The following ZBTB16 variants were observed in gnomAD, a reference collection of about 807,000 sequenced individuals.
ZBTB16 encodes the protein zinc finger and BTB domain containing 16.
Under a neutral mutation model 56.8 loss-of-function variants are expected in ZBTB16, and 8 were observed. That is an observed-to-expected ratio of 0.14 (90% CI 0.08 to 0.25). ZBTB16 has a LOEUF of 0.25. ZBTB16 is among the 10% of genes least tolerant of loss of function. ZBTB16 has a pLI of 1.00. For synonymous variants in ZBTB16, 363 were observed against 368.5 expected, an observed-to-expected ratio of 0.98 and a Z score of 0.17; for missense variants, 625 against 903.0, an observed-to-expected ratio of 0.69 and a Z score of 3.95.
intron 3 of ZBTB16, among the ~76,000 whole-genome samples, chr11:114,186,024 G>A (rs187501318): frequency 6.6e-5 from 10 of 152,294 alleles, no homozygotes; most frequent in South Asian, 2.1e-4. Flanking sequence ...GGGAGCTTAC[G>A]GTGTGGTGAG....
intron 2 of ZBTB16, among the ~76,000 whole-genome samples, chr11:114,144,820 G>T (rs559169363): frequency 6.6e-6 from 1 of 152,352 alleles, no homozygotes; most frequent in East Asian, 1.9e-4. Flanking sequence ...GCTGGCTTCA[G>T]TTGAGCTGGG....
chr11:114,241,219 A>T (rs1423751807), intron 4 of ZBTB16, among the ~76,000 whole-genome samples: 1 of 149,920 alleles, frequency 6.7e-6, no homozygotes, highest in East Asian at 1.9e-4. Flanking sequence ...TGCTTTAGTG[A>T]GTGGAGAAGT....
chr11:114,096,929 T>C (rs947113261), intron 2 of ZBTB16, among the ~76,000 whole-genome samples: 1 of 152,236 alleles, frequency 6.6e-6, no homozygotes, highest in Non-Finnish European at 1.5e-5. Flanking sequence ...GGGAGTGTTA[T>C]GTGTATACAC....
At chr11:114,208,991 T>C (rs656269) in intron 4 of ZBTB16, among the ~76,000 whole-genome samples, 58,412 of 151,964 alleles carry the variant, frequency 0.38, 12,041 homozygotes, top group South Asian at 0.46. Flanking sequence ...AGGAAGAGAT[T>C]CCCCAAACTG....
At chr11:114,118,703 T>C (rs565044520) in intron 2 of ZBTB16, among the ~76,000 whole-genome samples, 1 of 152,302 alleles carries the variant, frequency 6.6e-6, no homozygotes, top group South Asian at 2.1e-4. Flanking sequence ...ACCAGGGCTT[T>C]CTGCTTCATA....
At chr11:114,141,295 C>A (rs757148525) in intron 2 of ZBTB16, among the ~76,000 whole-genome samples, 8 of 152,246 alleles carry the variant, frequency 5.3e-5, no homozygotes, top group Non-Finnish European at 8.8e-5. Context: ...AAAGGACCAA[C>A]TGAATCTCAC....
intron 4 of ZBTB16, chr11:114,210,077 C>A: frequency 4.5e-6 from 2 of 444,456 alleles, no homozygotes; most frequent in Non-Finnish European, 6.0e-6. Context: ...CTGAGAAGAG[C>A]AGATGAAGGA....
chr11:114,109,927 C>T (rs749908472), intron 2 of ZBTB16, among the ~76,000 whole-genome samples: 4 of 152,178 alleles, frequency 2.6e-5, no homozygotes, highest in Non-Finnish European at 5.9e-5. Context: ...GTTAGAAGAG[C>T]AGGACCGGAG....
At chr11:114,135,208 C>T (rs566643482) in intron 2 of ZBTB16, among the ~76,000 whole-genome samples, 6 of 152,290 alleles carry the variant, frequency 3.9e-5, no homozygotes, top group Non-Finnish European at 8.8e-5. Flanking sequence ...TGAGTCCCTC[C>T]GTGGGACACT....
At chr11:114,193,461 A>C (rs1008196998) in intron 4 of ZBTB16, among the ~76,000 whole-genome samples, 8 of 152,092 alleles carry the variant, frequency 5.3e-5, no homozygotes, top group Non-Finnish European at 1.0e-4. Context: ...TACCCTCAGG[A>C]TAGGGCTGGC....
intron 5 of ZBTB16, among the ~76,000 whole-genome samples, chr11:114,246,536 C>T (rs1455604751): frequency 6.6e-6 from 1 of 152,130 alleles, no homozygotes; most frequent in Admixed American, 6.5e-5. Context: ...TGATACCACA[C>T]TAATAACAGA....
At chr11:114,247,756 G>A (rs1259829358) in intron 6 of ZBTB16, among the ~76,000 whole-genome samples, 5 of 152,220 alleles carry the variant, frequency 3.3e-5, no homozygotes, top group African/African-American at 1.2e-4. Flanking sequence ...AAGGGTTAGA[G>A]TAAGAATTAG....
At chr11:114,160,675 T>C (rs1481475055) in intron 3 of ZBTB16, among the ~76,000 whole-genome samples, 4 of 152,236 alleles carry the variant, frequency 2.6e-5, no homozygotes, top group Admixed American at 1.3e-4. Flanking sequence ...TAAATGGTAG[T>C]AGTGAATTTC....
At chr11:114,245,541 C>A (rs1468564651) in intron 5 of ZBTB16, among the ~76,000 whole-genome samples, 1 of 152,080 alleles carries the variant, frequency 6.6e-6, no homozygotes, top group African/African-American at 2.4e-5. Context: ...GTACAGGGGC[C>A]TAACTTTGGG....
intron 2 of ZBTB16, among the ~76,000 whole-genome samples, chr11:114,155,959 C>T (rs1942397978): frequency 6.6e-6 from 1 of 152,198 alleles, no homozygotes; most frequent in African/African-American, 2.4e-5. Context: ...GGCAGTGCTA[C>T]ACAGAGGTGA....
At chr11:114,077,690 C>G (rs1270038703) in intron 2 of ZBTB16, among the ~76,000 whole-genome samples, 2 of 152,198 alleles carry the variant, frequency 1.3e-5, no homozygotes, top group African/African-American at 4.8e-5. Flanking sequence ...CCTTGCAAAG[C>G]AGGCTGCACC....
At chr11:114,245,036 C>T (rs1384574600) in intron 5 of ZBTB16, among the ~76,000 whole-genome samples, 7 of 152,210 alleles carry the variant, frequency 4.6e-5, no homozygotes, top group Admixed American at 4.6e-4. Context: ...AGTTGGATGT[C>T]AGACCAGACA....
intron 3 of ZBTB16, among the ~76,000 whole-genome samples, chr11:114,182,878 G>C (rs1022938473): frequency 2.6e-5 from 4 of 152,246 alleles, no homozygotes; most frequent in African/African-American, 9.6e-5. Context: ...GGCAGAGACT[G>C]TCTTATTGAT....
intron 4 of ZBTB16, among the ~76,000 whole-genome samples, chr11:114,194,128 C>A (rs1376038841): frequency 6.6e-6 from 1 of 152,168 alleles, no homozygotes; most frequent in African/African-American, 2.4e-5. Context: ...AGCCGCAACA[C>A]CCTGATGTGT....
Sources: allele counts gnomAD v4.1 joint callset (sites outside exome capture counted in the v4.1 genomes callset), GRCh38; gene constraint gnomAD v4.1.1; transcripts MANE v1.5; gene names NCBI Gene and HGNC (gene_info 2026-07-23, HGNC 2026-07-21).